The following OR1B1 variants were observed in gnomAD, a reference collection of about 807,000 sequenced individuals.
The protein encoded by OR1B1 is olfactory receptor family 1 subfamily B member 1.
For missense variants in OR1B1, 414 were observed against 402.1 expected (o/e 1.03, Z -0.25); for synonymous variants, 168 against 156.2 (o/e 1.08, Z -0.57).
downstream of OR1B1, among the ~76,000 whole-genome samples, chr9:122,628,380 G>T (rs182091017): frequency 7.2e-5 from 11 of 152,292 alleles, no homozygotes; most frequent in African/African-American, 2.4e-4. Context: ...GAGGTATGCT[G>T]ATAAGGGAGC....
chr9:122,644,970 A>G, the OR1B1 span, among the ~76,000 whole-genome samples: 1 of 152,360 alleles, frequency 6.6e-6, no homozygotes, highest in Admixed American at 6.5e-5. Flanking sequence ...CCAGAGAAAC[A>G]GAGATATATG....
At chr9:122,634,733 G>T in the OR1B1 span, among the ~76,000 whole-genome samples, 130,578 of 152,100 alleles carry the variant, frequency 0.86, 56,383 homozygotes, top group African/African-American at 0.94. Context: ...GAATAAATAT[G>T]CATCCAAAGA....
chr9:122,634,378 CAAAA>C (rs899959239), upstream of OR1B1, among the ~76,000 whole-genome samples: 2 of 148,688 alleles, frequency 1.3e-5, no homozygotes, highest in African/African-American at 5.0e-5. Flanking sequence ...AAAAAAGAAA[CAAAA>C]AAGAAATACC....
At chr9:122,650,662 A>G in the OR1B1 span, among the ~76,000 whole-genome samples, 1 of 152,122 alleles carries the variant, frequency 6.6e-6, no homozygotes, top group Admixed American at 6.5e-5. Context: ...GGCTATTGCA[A>G]CAAAGAATAA....
the OR1B1 span, among the ~76,000 whole-genome samples, chr9:122,641,093 T>G: frequency 2.0e-5 from 3 of 152,192 alleles, no homozygotes; most frequent in Non-Finnish European, 2.9e-5. Flanking sequence ...AATGAGGTCA[T>G]GAAAATATTC....
At chr9:122,654,711 T>TCTACTTC in the OR1B1 span, among the ~76,000 whole-genome samples, 1 of 152,212 alleles carries the variant, frequency 6.6e-6, no homozygotes, top group Non-Finnish European at 1.5e-5. Flanking sequence ...CTTTCTACTT[T>TCTACTTC]CTACTTCTAA....
chr9:122,643,629 A>C, the OR1B1 span, among the ~76,000 whole-genome samples: 1 of 152,252 alleles, frequency 6.6e-6, no homozygotes, highest in Non-Finnish European at 1.5e-5. Context: ...GGGAGACATT[A>C]GCTGGCATGG....
chr9:122,651,145 TA>T, the OR1B1 span, among the ~76,000 whole-genome samples: 1 of 152,238 alleles, frequency 6.6e-6, no homozygotes, highest in African/African-American at 2.4e-5. Context: ...ACATATTTTA[TA>T]AAATGTTTTT....
downstream of OR1B1, among the ~76,000 whole-genome samples, chr9:122,628,222 A>C (rs1372579147): frequency 2.0e-5 from 3 of 152,184 alleles, no homozygotes; most frequent in African/African-American, 7.2e-5. Flanking sequence ...TGTGATGATG[A>C]TGATTAACTC....
At chr9:122,642,754 A>G in the OR1B1 span, among the ~76,000 whole-genome samples, 1 of 152,168 alleles carries the variant, frequency 6.6e-6, no homozygotes, top group Non-Finnish European at 1.5e-5. Context: ...TCTTCTTCCT[A>G]TGATATAATA....
At chr9:122,639,368 G>A in the OR1B1 span, among the ~76,000 whole-genome samples, 1 of 152,062 alleles carries the variant, frequency 6.6e-6, no homozygotes, top group African/African-American at 2.4e-5. Flanking sequence ...TTACTTCACT[G>A]ATATTATTGG....
At chr9:122,644,345 G>A in the OR1B1 span, among the ~76,000 whole-genome samples, 1 of 152,260 alleles carries the variant, frequency 6.6e-6, no homozygotes, top group Non-Finnish European at 1.5e-5. Flanking sequence ...ACCAGTGGTA[G>A]TGGTGGCCAC....
chr9:122,640,140 C>A, the OR1B1 span, among the ~76,000 whole-genome samples: 1 of 152,076 alleles, frequency 6.6e-6, no homozygotes, highest in East Asian at 1.9e-4. Flanking sequence ...TGGCTTCTCC[C>A]AACCCTTCTT....
chr9:122,631,046 A>G (rs1285686840), upstream of OR1B1, among the ~76,000 whole-genome samples: 2 of 151,954 alleles, frequency 1.3e-5, no homozygotes, highest in Admixed American at 6.6e-5. Context: ...ATTCTCAAAC[A>G]TGGTAAGCTC....
At position 122,628,817 on chromosome 9, in the gene OR1B1, C is replaced by T. The variant is rs150152938; in HGVS notation, c.719G>A (p.Arg240His). Residue 240 changes from arginine (R) to histidine (H), a missense_variant, in exon 1 of 1, where the codon CGC becomes CAC. Physicochemically the swap from Arg to His is conservative, Grantham distance 29. Transcript: ENST00000623530. Reference sequence around the variant, plus strand: ...TCCACAGGTGGAGACTGCTCGGCGGCGACCAGCAGCTGAAGGCAAACGTAG... The same window carrying T: ...TCCACAGGTGGAGACTGCTCGGCGGTGACCAGCAGCTGAAGGCAAACGTAG... 4.5e-5 allele frequency: 72 copies of T among 1,613,988 alleles called. No individual in the cohort carries two copies. The African/African-American group carries it at 6.9e-4, about 16-fold the overall frequency.
At chr9:122,632,479 AG>A (rs1214565962), upstream of OR1B1, among the ~76,000 whole-genome samples, 1 of 151,952 alleles carries the variant, frequency 6.6e-6, no homozygotes, top group African/African-American at 2.4e-5. Context: ...TACAAGAGTA[AG>A]TTCTTTAGTG....
the OR1B1 span, among the ~76,000 whole-genome samples, chr9:122,644,044 G>GA: frequency 6.6e-6 from 1 of 152,058 alleles, no homozygotes; most frequent in Non-Finnish European, 1.5e-5. Flanking sequence ...TGGTGGCTGT[G>GA]AAAAAAGGCT....
At chr9:122,654,453 C>T in the OR1B1 span, among the ~76,000 whole-genome samples, 956 of 152,310 alleles carry the variant, frequency 6.3e-3, 6 homozygotes, top group African/African-American at 0.022. Context: ...TCTGCTCTAA[C>T]CAGATGGGGT....
At chr9:122,629,716 T>C (rs983937014), upstream of OR1B1, 3 of 519,804 alleles carry the variant, frequency 5.8e-6, no homozygotes, top group Non-Finnish European at 3.4e-6. Context: ...TTCCTTAATA[T>C]GTATTTATTT....
Sources: allele counts gnomAD v4.1 joint callset (sites outside exome capture counted in the v4.1 genomes callset), GRCh38; gene constraint gnomAD v4.1.1; transcripts MANE v1.5; gene names NCBI Gene and HGNC (gene_info 2026-07-23, HGNC 2026-07-21).